Variants in RUFY3 observed in about 807,000 individuals in gnomAD.
RUFY3 encodes protein RUFY3.
Under a neutral mutation model 84.0 loss-of-function variants are expected in RUFY3, and 34 were observed. The ratio of observed to expected loss-of-function variants is 0.40; its 90% CI spans 0.31 to 0.54. The LOEUF (loss-of-function observed/expected upper bound fraction) is 0.54. Ranked by LOEUF, RUFY3 falls within the 20% of genes least tolerant of loss-of-function variation. The pLI is 0.39. For missense variants in RUFY3, 507 were observed against 736.8 expected (o/e 0.69, Z 3.61); for synonymous variants, 242 against 252.9 (o/e 0.96, Z 0.41).
intron 1 of RUFY3, among the ~76,000 whole-genome samples, chr4:70,760,991 T>G (rs1724938556): frequency 1.3e-5 from 2 of 152,222 alleles, no homozygotes; most frequent in African/African-American, 4.8e-5. Context: ...AATAAAAACC[T>G]TGTATGAAGA....
chr4:70,792,232 C>T (rs910165358), intron 12 of RUFY3: 42 of 985,194 alleles, frequency 4.3e-5, no homozygotes, highest in Middle Eastern at 5.2e-4. Flanking sequence ...CCTGGCCTGT[C>T]ATTTCTTACC....
chr4:70,756,957 T>C (rs1724124312), intron 1 of RUFY3, among the ~76,000 whole-genome samples: 1 of 152,110 alleles, frequency 6.6e-6, no homozygotes, highest in Non-Finnish European at 1.5e-5. Context: ...AATAGGTTTA[T>C]GTCATTTAAC....
At chr4:70,732,529 T>G (rs977269801) in intron 1 of RUFY3, among the ~76,000 whole-genome samples, 2 of 152,080 alleles carry the variant, frequency 1.3e-5, no homozygotes, top group Non-Finnish European at 2.9e-5. Flanking sequence ...AATAATACAC[T>G]GGATAAAGAA....
chr4:70,793,943 G>C (rs1420557889), intron 13 of RUFY3, 39 bp downstream of exon 13: 3 of 1,608,132 alleles, frequency 1.9e-6, no homozygotes, highest in Admixed American at 1.7e-5. Flanking sequence ...GGTGGTCATG[G>C]GTAATTCTTA....
At chr4:70,747,499 C>CAAA (rs768378993) in intron 1 of RUFY3, among the ~76,000 whole-genome samples, 10 of 125,782 alleles carry the variant, frequency 8.0e-5, no homozygotes, top group South Asian at 2.5e-4. Flanking sequence ...TAGGTGTGTG[C>CAAA]AAAAAAAAAA....
chr4:70,722,430 AACCTCCCCC>A lies in RUFY3; in HGVS notation c.-140_-132del. ...GTATTTTTCCTTTTTTTTTTTTTTAAACCTCCCCCACCCTTTTCCTGAAAGCTTTGTTTC... is the reference window on the plus strand; with the variant it reads ...GTATTTTTCCTTTTTTTTTTTTTTAAACCCTTTTCCTGAAAGCTTTGTTTC... On this transcript the variant is annotated 5_prime_UTR_variant, in exon 1 of 18. Coordinates refer to ENST00000381006, the MANE Select transcript of RUFY3 (RefSeq NM_001037442.4). The A allele has an allele frequency of 7.4e-7, 1 of 1,343,534 alleles. No individual in the cohort carries two copies. The allele number at this position is 1,343,534 out of a possible 1,614,324, so 83.2% of individuals were successfully genotyped here.
At chr4:70,752,639 C>G (rs1242749085) in intron 1 of RUFY3, among the ~76,000 whole-genome samples, 2 of 152,176 alleles carry the variant, frequency 1.3e-5, no homozygotes, top group South Asian at 2.1e-4. Context: ...TGGAACTTGT[C>G]AAGTACTTTG....
chr4:70,790,839 A>G (rs1024504327), intron 12 of RUFY3, among the ~76,000 whole-genome samples: 7 of 152,282 alleles, frequency 4.6e-5, no homozygotes, highest in African/African-American at 1.7e-4. Flanking sequence ...ATGATTCTTA[A>G]CCAGTAAGGG....
intron 12 of RUFY3, chr4:70,791,227 A>G (rs1730765218): frequency 6.2e-7 from 1 of 1,611,842 alleles, no homozygotes; most frequent in South Asian, 1.1e-5. Context: ...TTATTTAGTG[A>G]AAAGGATTTG....
chr4:70,785,459 G>C (rs1729630965), intron 10 of RUFY3, among the ~76,000 whole-genome samples: 1 of 152,068 alleles, frequency 6.6e-6, no homozygotes, highest in South Asian at 2.1e-4. Flanking sequence ...AGGATGTAGA[G>C]AAAGAGAACC....
chr4:70,771,535 T>G (rs553767395), intron 5 of RUFY3, among the ~76,000 whole-genome samples: 1 of 152,262 alleles, frequency 6.6e-6, no homozygotes, highest in East Asian at 1.9e-4. Flanking sequence ...TATTTATATT[T>G]ATTTTATTTT....
chr4:70,769,939 C>T (rs1449186674), intron 5 of RUFY3, among the ~76,000 whole-genome samples: 2 of 152,202 alleles, frequency 1.3e-5, no homozygotes, highest in Non-Finnish European at 2.9e-5. Flanking sequence ...CCTCATGCCT[C>T]ATCCTCCTGA....
chr4:70,776,701 G>A (rs1026336132), intron 7 of RUFY3, among the ~76,000 whole-genome samples: 1 of 152,306 alleles, frequency 6.6e-6, no homozygotes. Flanking sequence ...GCGTGAACCC[G>A]GGAGGCAGAG....
intron 1 of RUFY3, among the ~76,000 whole-genome samples, chr4:70,739,503 G>A (rs1454221498): frequency 6.6e-6 from 1 of 152,102 alleles, no homozygotes; most frequent in Non-Finnish European, 1.5e-5. Context: ...CTTCAGAAAG[G>A]TGTTGCCTTA....
intron 7 of RUFY3, among the ~76,000 whole-genome samples, chr4:70,777,837 C>T (rs1238818375): frequency 6.6e-6 from 1 of 152,042 alleles, no homozygotes; most frequent in Admixed American, 6.6e-5. Flanking sequence ...AAAGTTTATT[C>T]TGTAGGGAAT....
chr4:70,794,763 T>G (rs777053443), intron 13 of RUFY3, 32 bp from the exon 14 acceptor site: 80 of 1,448,538 alleles, frequency 5.5e-5, no homozygotes, highest in Non-Finnish European at 7.6e-5. Flanking sequence ...GAATTCCAAT[T>G]TTTCATCCTT....
chr4:70,780,878 T>G (rs896363864), intron 8 of RUFY3, among the ~76,000 whole-genome samples: 2 of 152,180 alleles, frequency 1.3e-5, no homozygotes, highest in Non-Finnish European at 2.9e-5. Context: ...AGCACTTATT[T>G]TCTTAAAGAA....
At position 70,773,390 on chromosome 4, in the gene RUFY3, C is replaced by T. The variant is rs934078184; in HGVS notation, c.697-121C>T. The T allele has an allele frequency of 4.7e-5, 30 of 640,722 alleles. 1 individual carries two copies. The highest frequency in any genetic ancestry group is 4.0e-4 in the South Asian group (19 of 47,260). 39.7% of individuals were successfully genotyped at this position (640,722 alleles called of 1,614,324 possible). On this transcript the variant is annotated intron_variant, in intron 5 of 17. Coordinates refer to ENST00000381006, the MANE Select transcript of RUFY3 (RefSeq NM_001037442.4). ...GAAAGTAAAACAGTACATTTTTAAT[C>T]GTAAATTTCTAGTAAGTGTCATGAC...
At chr4:70,721,274 A>G (rs1379978769), upstream of RUFY3, among the ~76,000 whole-genome samples, 4 of 152,160 alleles carry the variant, frequency 2.6e-5, no homozygotes, top group Admixed American at 6.5e-5. Flanking sequence ...AGCCTGGGCT[A>G]CAGAGCAAGA....
Sources: allele counts gnomAD v4.1 joint callset (sites outside exome capture counted in the v4.1 genomes callset), GRCh38; gene constraint gnomAD v4.1.1; transcripts MANE v1.5; gene names NCBI Gene and HGNC (gene_info 2026-07-23, HGNC 2026-07-21).